NENF: variants seen among roughly 807,000 people sequenced by gnomAD.
The protein encoded by NENF is neudesin neurotrophic factor.
In NENF, 6 loss-of-function variants were observed where a neutral mutation model predicts 14.8. That is an observed-to-expected ratio of 0.40 (90% confidence interval 0.22 to 0.80). NENF has a LOEUF of 0.80. Among genes scored for constraint, NENF ranks in the 30% least tolerant of loss-of-function variants. The pLI is 0.34. For missense variants in NENF, 184 were observed against 212.7 expected, an observed-to-expected ratio of 0.87 and a Z score of 0.84; for synonymous variants, 76 against 95.1, an observed-to-expected ratio of 0.80 and a Z score of 1.17.
chr1:212,446,083 C>A lies in NENF; in HGVS notation c.*77C>A. ...GGTGCTGAATCTCCTGCAAAACTGGCTGCCTGGAGGCCCTGAGCCACCCAG... is the reference window on the plus strand; with the variant it reads ...GGTGCTGAATCTCCTGCAAAACTGGATGCCTGGAGGCCCTGAGCCACCCAG... On this transcript the variant is annotated 3_prime_UTR_variant, in exon 4 of 4. Coordinates refer to ENST00000366988, the MANE Select transcript of NENF (RefSeq NM_013349.5). The A allele has an allele frequency of 1.3e-6, 2 of 1,491,874 alleles. No homozygotes were observed. The highest frequency in any genetic ancestry group is 9.3e-7 in the Non-Finnish European group (1 of 1,079,292). 92.4% of individuals were successfully genotyped at this position (1,491,874 alleles called of 1,614,324 possible). A position where few individuals can be genotyped will look rare whatever the true frequency, so the allele number is the denominator to read the frequency against.
At chr1:212,436,797 A>T (rs1258699362) in intron 1 of NENF, among the ~76,000 whole-genome samples, 1 of 152,046 alleles carries the variant, frequency 6.6e-6, no homozygotes, top group Non-Finnish European at 1.5e-5. Context: ...AAGAGTTCCT[A>T]CTTGGCTGAG....
intron 3 of NENF, among the ~76,000 whole-genome samples, chr1:212,444,861 C>G (rs1662755774): frequency 6.6e-6 from 1 of 152,120 alleles, no homozygotes; most frequent in Non-Finnish European, 1.5e-5. Flanking sequence ...TCTCTGAGAC[C>G]CATTCCCCAG....
rs188064653 is a variant in NENF, at chr1:212,442,175, C to G, written c.178-390C>G. 1.5e-3 allele frequency among the ~76,000 whole-genome samples: 225 copies of G among 152,290 alleles called. 3 individuals carry two copies. The highest frequency in any genetic ancestry group is 4.1e-3 in the African/African-American group (172 of 41,572). ...TACAGGCATGTGCCACCATGCCCGG[C>G]TAATTTTTGTATTTTTAGTAGAGAT... On this transcript the variant is annotated intron_variant, in intron 1 of 3. Coordinates refer to ENST00000366988, the MANE Select transcript of NENF (RefSeq NM_013349.5).
chr1:212,441,703 A>G lies in NENF; in HGVS notation c.178-862A>G, dbSNP rs1427205172. Among the ~76,000 whole-genome samples the G allele has an allele frequency of 3.9e-5, 6 of 152,112 alleles. No individual in the cohort carries two copies. The East Asian group carries it at 9.7e-4, about 25-fold the overall frequency. On this transcript the variant is annotated intron_variant, in intron 1 of 3. Coordinates refer to ENST00000366988, the MANE Select transcript of NENF (RefSeq NM_013349.5). ...CAGGAGGCTGAGTCAGGAGAATCAC[A>G]TGAACCCGGAAGGTGGAGGTTGCAG...
intron 2 of NENF, among the ~76,000 whole-genome samples, chr1:212,443,892 T>A (rs1558194066): frequency 2.7e-5 from 4 of 150,204 alleles, no homozygotes; most frequent in South Asian, 2.1e-4. Context: ...AAAAAAAAAA[T>A]ACAAAAATTA....
Position 212,433,041 on chromosome 1 carries a change from A to T in NENF, c.98A>T (p.Gln33Leu). Residue 33 changes from glutamine to leucine, a missense_variant, in exon 1 of 4, where the codon CAG becomes CTG. By Grantham distance (113) the Gln-to-Leu change is moderately radical. Transcript: ENST00000366988. The surrounding 1 kb of genome is among the most constrained non-coding windows in gnomAD (Gnocchi z 5.5). ...GGGCTGCCCACAGCCCGGGCCGGGC[A>T]GACACCGCGCCCTGCCGAGCGGGGG... is the stretch of plus-strand genomic sequence containing the variant. Reference protein sequence around the residue: ...APGLPTARAGQTPRPAERGPP... With the variant: ...APGLPTARAGLTPRPAERGPP... 6 of 1,182,830 alleles carry T rather than the reference A, an allele frequency of 5.1e-6. No individual in the cohort carries two copies. Among genetic ancestry groups the T allele is most frequent in the Non-Finnish European group, 6.3e-6 (6 of 956,472 alleles). The allele number at this position is 1,182,830 out of a possible 1,614,324, so 73.3% of individuals were successfully genotyped here.
rs1025373257 is a variant in NENF, at chr1:212,433,222, G to T, written c.177+102G>T. On this transcript the variant is annotated intron_variant, in intron 1 of 3. Transcript: ENST00000366988. The surrounding 1 kb of genome is among the most constrained non-coding windows in gnomAD (Gnocchi z 5.5). ...CGCCGGCGGCCCAGGAAGCTCTGGG[G>T]GACGCGCGGCCCGCGGCGGGCGCCC... 1.3e-6 allele frequency: 1 copy of T among 759,128 alleles called. No individual in the cohort carries two copies. The highest frequency in any genetic ancestry group is 5.1e-5 in the East Asian group (1 of 19,778). 47.0% of individuals were successfully genotyped at this position (759,128 alleles called of 1,614,324 possible). A position where few individuals can be genotyped will look rare whatever the true frequency, so the allele number is the denominator to read the frequency against.
At chr1:212,438,321 C>T (rs188173099) in intron 1 of NENF, among the ~76,000 whole-genome samples, 29 of 152,302 alleles carry the variant, frequency 1.9e-4, no homozygotes, top group African/African-American at 6.7e-4. Flanking sequence ...CTACAGATTG[C>T]AGGCCAGAGA....
At chr1:212,445,661 C>A (rs376011140) in intron 3 of NENF, among the ~76,000 whole-genome samples, 169 bp from the exon 4 acceptor site, 66 of 151,844 alleles carry the variant, frequency 4.3e-4, no homozygotes, top group African/African-American at 1.2e-3. Flanking sequence ...ACCCCCACGC[C>A]CCCCCCACAG....
At position 212,433,151 on chromosome 1, in the gene NENF, C is replaced by T. The variant is rs891397346; in HGVS notation, c.177+31C>T. 10 of 1,149,808 alleles carry T rather than the reference C, an allele frequency of 8.7e-6. No individual in the cohort carries two copies. In the Admixed American group the frequency reaches 3.3e-4, roughly 38 times the overall value. 71.2% of individuals were successfully genotyped at this position (1,149,808 alleles called of 1,614,324 possible). On this transcript the variant is annotated intron_variant, in intron 1 of 3. Transcript: ENST00000366988. This position sits in a 1 kb window ranked among gnomAD's most constrained non-coding sequence, Gnocchi z 5.5. ...CGGGGGTGTCGCGGGCCGAGGGACCCGGGGTGGCGTCCGATCTGCGGCGAG... is the reference window on the plus strand; with the variant it reads ...CGGGGGTGTCGCGGGCCGAGGGACCTGGGGTGGCGTCCGATCTGCGGCGAG...
chr1:212,442,558 T>C lies in NENF; in HGVS notation c.178-7T>C. 3 of 1,612,020 alleles carry C rather than the reference T, an allele frequency of 1.9e-6. No individual in the cohort carries two copies. Among genetic ancestry groups the C allele is most frequent in the Non-Finnish European group, 2.5e-6 (3 of 1,178,216 alleles). On this transcript the variant is annotated splice_region_variant and splice_polypyrimidine_tract_variant and intron_variant, in intron 1 of 3. Coordinates refer to ENST00000366988, the MANE Select transcript of NENF (RefSeq NM_013349.5). Reference sequence around the variant, plus strand: ...TTCCTCTTCACAGCTTCTCCCCTGCTTTCTAGGAAGATCAGCCCATCTACT... The same window carrying C: ...TTCCTCTTCACAGCTTCTCCCCTGCCTTCTAGGAAGATCAGCCCATCTACT...
chr1:212,444,703 G>A (rs534997748), intron 3 of NENF, among the ~76,000 whole-genome samples: 2 of 152,136 alleles, frequency 1.3e-5, no homozygotes, highest in South Asian at 2.1e-4. Flanking sequence ...GCTGTCTGTT[G>A]CCTAGAGTCA....
chr1:212,440,955 C>T (rs1662689710), intron 1 of NENF, among the ~76,000 whole-genome samples: 1 of 152,224 alleles, frequency 6.6e-6, no homozygotes, highest in South Asian at 2.1e-4. Flanking sequence ...GCCCCTGCAC[C>T]TCTGATGGCA....
chr1:212,437,350 C>T (rs941727876), intron 1 of NENF, among the ~76,000 whole-genome samples: 4 of 152,062 alleles, frequency 2.6e-5, no homozygotes, highest in Non-Finnish European at 4.4e-5. Context: ...CTTGGACCTC[C>T]CTAGAGGTAT....
chr1:212,434,447 G>C (rs1192049338), intron 1 of NENF, among the ~76,000 whole-genome samples: 2 of 152,224 alleles, frequency 1.3e-5, no homozygotes, highest in Admixed American at 1.3e-4. Context: ...ATGCTAGGCA[G>C]AGGGTGCCCC....
rs1304877341 is a variant in NENF, at chr1:212,433,786, C to T, written c.177+666C>T. Among the ~76,000 whole-genome samples the T allele has an allele frequency of 6.6e-6, 1 of 152,036 alleles. No individual in the cohort carries two copies. The highest frequency in any genetic ancestry group is 1.5e-5 in the Non-Finnish European group (1 of 68,002). On this transcript the variant is annotated intron_variant, in intron 1 of 3. Coordinates refer to ENST00000366988, the MANE Select transcript of NENF (RefSeq NM_013349.5). This position sits in a 1 kb window ranked among gnomAD's most constrained non-coding sequence, Gnocchi z 5.5. The stretch of plus-strand genomic sequence containing the variant: ...CCCACACACGTCAATAGTCTAGAGG[C>T]GTCCAGAAAACTCACAACCACCTGC...
At chr1:212,445,281 C>T (rs1285143629) in intron 3 of NENF, among the ~76,000 whole-genome samples, 7 of 151,934 alleles carry the variant, frequency 4.6e-5, no homozygotes, top group South Asian at 2.1e-4. Context: ...GTTTTTTAAA[C>T]CTATTCAAGG....
At chr1:212,441,078 T>C (rs1419700082) in intron 1 of NENF, among the ~76,000 whole-genome samples, 1 of 152,150 alleles carries the variant, frequency 6.6e-6, no homozygotes, top group Non-Finnish European at 1.5e-5. Flanking sequence ...TTTGTGTAAT[T>C]CTTTCTTGGT....
chr1:212,444,396 G>A lies in NENF; in HGVS notation c.296G>A (p.Gly99Glu). The A allele has an allele frequency of 6.2e-7, 1 of 1,610,160 alleles. No individual in the cohort carries two copies. The highest frequency in any genetic ancestry group is 8.5e-7 in the Non-Finnish European group (1 of 1,177,768). Residue 99 changes from glycine (G) to glutamate (E), a missense_variant, in exon 3 of 4, where the codon GGG (glycine) becomes GAG (glutamate). Physicochemically the swap from Gly to Glu is moderately conservative, Grantham distance 98 (BLOSUM62 -2). Coordinates refer to ENST00000366988, the MANE Select transcript of NENF (RefSeq NM_013349.5). ...TTGACGGGGAAGGACTCCACTAGAG[G>A]GGTAGCCAAGATGTCCTTGGATCCT... ...NALTGKDSTR[G>E]VAKMSLDPAD...
Sources: gnomAD v4.1 joint callset for allele counts (sites outside exome capture counted in the v4.1 genomes callset) on GRCh38, gnomAD v4.1.1 for gene constraint, Gnocchi (gnomAD v3.1) non-coding constraint, MANE v1.5 for transcripts, NCBI Gene and HGNC (gene_info 2026-07-23, HGNC 2026-07-21) for gene names.